ARHGAP22: variants seen among roughly 807,000 people sequenced by gnomAD.
ARHGAP22 encodes rho GTPase-activating protein 22.
Under a neutral mutation model 59.1 loss-of-function variants are expected in ARHGAP22, and 48 were observed. That is an observed-to-expected ratio of 0.81 (90% CI 0.64 to 1.03). ARHGAP22 has a LOEUF of 1.03. ARHGAP22 is among the 50% of genes least tolerant of loss of function. The pLI is 0.00. For synonymous variants in ARHGAP22, 445 were observed against 416.4 expected (o/e 1.07, Z -0.84); for missense variants, 1,015 against 958.7 (o/e 1.06, Z -0.78).
intron 3 of ARHGAP22, among the ~76,000 whole-genome samples, chr10:48,495,607 TG>T (rs760807714): frequency 1.2e-4 from 18 of 149,936 alleles, no homozygotes; most frequent in Middle Eastern, 6.8e-3. Flanking sequence ...CATCCCTTGG[TG>T]GGCAGCCTCT....
intron 1 of ARHGAP22, among the ~76,000 whole-genome samples, chr10:48,618,945 G>A (rs1014829463): frequency 6.6e-6 from 1 of 152,026 alleles, no homozygotes; most frequent in Non-Finnish European, 1.5e-5. Flanking sequence ...CTTATATCTA[G>A]AAGACCCTAA....
chr10:48,568,852 T>C (rs1045848314), intron 2 of ARHGAP22, among the ~76,000 whole-genome samples: 8 of 152,212 alleles, frequency 5.3e-5, no homozygotes, highest in African/African-American at 1.9e-4. Flanking sequence ...TGCTCTTCCA[T>C]GCCATGGTCC....
intron 1 of ARHGAP22, among the ~76,000 whole-genome samples, chr10:48,614,855 A>T (rs2061021005): frequency 6.6e-6 from 1 of 152,200 alleles, no homozygotes; most frequent in African/African-American, 2.4e-5. Flanking sequence ...ATTTGTTTTG[A>T]CCTATTTGGT....
At chr10:48,603,092 C>T (rs1179894920) in intron 1 of ARHGAP22, among the ~76,000 whole-genome samples, 1 of 152,148 alleles carries the variant, frequency 6.6e-6, no homozygotes, top group Non-Finnish European at 1.5e-5. Context: ...GTATGGCTGG[C>T]CTATACGCAC....
intron 2 of ARHGAP22, among the ~76,000 whole-genome samples, chr10:48,579,791 CT>C (rs58118673): frequency 0.051 from 7,793 of 152,306 alleles, 188 homozygotes; most frequent in Middle Eastern, 0.11. Flanking sequence ...CCTGGGCCCC[CT>C]GTCACTGAGA....
rs1245779397 is a variant in ARHGAP22, at chr10:48,459,710, G to A, written c.633C>T (p.Asp211=). Residue 211 remains aspartate (D), a synonymous_variant, in exon 5 of 10, where the codon GAC becomes GAT. Coordinates refer to ENST00000249601, the MANE Select transcript of ARHGAP22 (RefSeq NM_021226.4). Reference sequence around the variant, plus strand: ...TGTCAAACAGTGGCTTCTCCCCACAGTCGAAGGAATCCTGCAGGTCCCTCA... The same window carrying A: ...TGTCAAACAGTGGCTTCTCCCCACAATCGAAGGAATCCTGCAGGTCCCTCA... ...NLVRDLQDSF[D]CGEKPLFDST... The A allele has an allele frequency of 6.2e-7, 1 of 1,614,162 alleles. No homozygotes were observed. Among genetic ancestry groups the A allele is most frequent in the Admixed American group, 1.7e-5 (1 of 60,032 alleles).
intron 1 of ARHGAP22, among the ~76,000 whole-genome samples, chr10:48,644,380 C>G (rs1480108598): frequency 1.3e-5 from 2 of 152,164 alleles, no homozygotes; most frequent in Non-Finnish European, 2.9e-5. Context: ...AACAACTAGA[C>G]AGAATATCAG....
At chr10:48,470,506 G>A (rs544642340) in intron 4 of ARHGAP22, among the ~76,000 whole-genome samples, 7 of 152,306 alleles carry the variant, frequency 4.6e-5, no homozygotes, top group Non-Finnish European at 1.5e-5. Context: ...AGCGCTGCAG[G>A]GGAAGGAGGC....
At chr10:48,481,236 C>A (rs1289920420) in intron 3 of ARHGAP22, among the ~76,000 whole-genome samples, 1 of 152,236 alleles carries the variant, frequency 6.6e-6, no homozygotes, top group African/African-American at 2.4e-5. Flanking sequence ...GCATTGCCAC[C>A]TACCGAGGTT....
At chr10:48,477,671 T>C (rs367773406) in intron 4 of ARHGAP22, among the ~76,000 whole-genome samples, 18 of 152,224 alleles carry the variant, frequency 1.2e-4, no homozygotes, top group African/African-American at 4.3e-4. Context: ...ATTTAGTCAT[T>C]CTGGTGGGTG....
chr10:48,482,254 G>C (rs532164676), intron 3 of ARHGAP22, among the ~76,000 whole-genome samples: 1 of 152,244 alleles, frequency 6.6e-6, no homozygotes, highest in East Asian at 1.9e-4. Context: ...TTTACATGTA[G>C]GTCTATGAGT....
intron 9 of ARHGAP22, among the ~76,000 whole-genome samples, chr10:48,448,245 C>T (rs1333065699): frequency 2.0e-5 from 3 of 152,244 alleles, no homozygotes; most frequent in African/African-American, 7.2e-5. Context: ...TCAGTGCTGG[C>T]TGCAGCTCTG....
At chr10:48,580,318 G>A (rs7090756) in intron 2 of ARHGAP22, among the ~76,000 whole-genome samples, 2,000 of 152,240 alleles carry the variant, frequency 0.013, 38 homozygotes, top group African/African-American at 0.044. Context: ...AGGAGTGTCT[G>A]GCTCAGAAAT....
intron 3 of ARHGAP22, among the ~76,000 whole-genome samples, chr10:48,500,140 C>G (rs1308800548): frequency 6.6e-6 from 1 of 152,222 alleles, no homozygotes; most frequent in South Asian, 2.1e-4. Context: ...GAGTTCCAGA[C>G]CAGTCTAGGC....
chr10:48,461,787 G>C (rs2047156746), intron 4 of ARHGAP22, among the ~76,000 whole-genome samples: 1 of 152,202 alleles, frequency 6.6e-6, no homozygotes, highest in African/African-American at 2.4e-5. Flanking sequence ...CTTCCCTGCA[G>C]GGTGGCTTGT....
chr10:48,640,899 A>T (rs1038891904), intron 1 of ARHGAP22, among the ~76,000 whole-genome samples: 3 of 152,160 alleles, frequency 2.0e-5, no homozygotes, highest in African/African-American at 7.2e-5. Flanking sequence ...ATAACAGTGT[A>T]TTTTTGGGCT....
At chr10:48,643,976 C>T (rs1001013153) in intron 1 of ARHGAP22, among the ~76,000 whole-genome samples, 3 of 151,888 alleles carry the variant, frequency 2.0e-5, no homozygotes, top group African/African-American at 7.2e-5. Context: ...GGAGAAACTC[C>T]ATCTCTACTA....
At chr10:48,631,150 A>G (rs985157626) in intron 1 of ARHGAP22, among the ~76,000 whole-genome samples, 4 of 152,252 alleles carry the variant, frequency 2.6e-5, no homozygotes, top group Non-Finnish European at 5.9e-5. Flanking sequence ...TATCTGGAAT[A>G]AACTCCACTT....
intron 1 of ARHGAP22, among the ~76,000 whole-genome samples, chr10:48,595,279 G>C (rs1219833671): frequency 6.6e-6 from 1 of 152,184 alleles, no homozygotes; most frequent in Non-Finnish European, 1.5e-5. Context: ...TGATTTAAAG[G>C]GTAAGTATTG....
Sources: gnomAD v4.1 joint callset for allele counts (sites outside exome capture counted in the v4.1 genomes callset) on GRCh38, gnomAD v4.1.1 for gene constraint, MANE v1.5 for transcripts, NCBI Gene and HGNC (gene_info 2026-07-23, HGNC 2026-07-21) for gene names.